The following SPATS2L variants were observed in gnomAD, a reference collection of about 807,000 sequenced individuals.
The protein encoded by SPATS2L is SPATS2-like protein.
A neutral mutation model predicts 59.6 loss-of-function variants in SPATS2L; 30 were observed. That is an observed-to-expected ratio of 0.50 (90% CI 0.38 to 0.68). The LOEUF (loss-of-function observed/expected upper bound fraction) is 0.68, where lower values mean the gene tolerates loss of function less well. SPATS2L is among the 30% of genes least tolerant of loss of function. The pLI is 0.00. For missense variants in SPATS2L, 615 were observed against 700.0 expected, an observed-to-expected ratio of 0.88 and a Z score of 1.37; for synonymous variants, 252 against 263.5, an observed-to-expected ratio of 0.96 and a Z score of 0.42.
intron 6 of SPATS2L, among the ~76,000 whole-genome samples, chr2:200,421,884 C>T (rs2083320318): frequency 6.6e-6 from 1 of 152,218 alleles, no homozygotes; most frequent in African/African-American, 2.4e-5. Context: ...ATTTTGATAT[C>T]AATCATAGAC....
At chr2:200,423,475 T>G (rs1439911132) in intron 6 of SPATS2L, among the ~76,000 whole-genome samples, 1 of 152,166 alleles carries the variant, frequency 6.6e-6, no homozygotes, top group African/African-American at 2.4e-5. Context: ...AAACCAAGGC[T>G]CCTGGATTGA....
At chr2:200,424,839 G>A (rs2083465673) in intron 6 of SPATS2L, among the ~76,000 whole-genome samples, 1 of 152,164 alleles carries the variant, frequency 6.6e-6, no homozygotes, top group African/African-American at 2.4e-5. Context: ...TGCTGACCCA[G>A]CAGCCGGCCT....
At chr2:200,463,469 AGAG>A (rs2086381973) in intron 9 of SPATS2L, 1 of 152,210 alleles carries the variant, frequency 6.6e-6, no homozygotes, top group African/African-American at 2.4e-5. Flanking sequence ...ATTGCACAAA[AGAG>A]GAAGTATATT....
At chr2:200,351,186 G>C in intron 2 of SPATS2L, 1 of 469,302 alleles carries the variant, frequency 2.1e-6, no homozygotes, top group South Asian at 1.6e-5. Flanking sequence ...GTGCATTTGT[G>C]TATTTCTTCT....
intron 2 of SPATS2L, among the ~76,000 whole-genome samples, chr2:200,364,934 CTTTGTTTTGT>C (rs751289648): frequency 5.1e-4 from 77 of 152,236 alleles, no homozygotes; most frequent in African/African-American, 1.7e-3. Context: ...CTTATTTTTG[CTTTGTTTTGT>C]TTTGTTTTGT....
intron 5 of SPATS2L, among the ~76,000 whole-genome samples, chr2:200,416,986 G>A (rs2083088724): frequency 6.6e-6 from 1 of 152,162 alleles, no homozygotes; most frequent in Non-Finnish European, 1.5e-5. Flanking sequence ...CAAAGGGAAG[G>A]GGATTTTACT....
intron 2 of SPATS2L, among the ~76,000 whole-genome samples, chr2:200,360,042 A>G (rs1018633107): frequency 1.3e-5 from 2 of 152,238 alleles, no homozygotes; most frequent in African/African-American, 4.8e-5. Flanking sequence ...GAATATTTCT[A>G]TAAAGTATGT....
intron 3 of SPATS2L, among the ~76,000 whole-genome samples, chr2:200,396,033 A>AAAAAAATATATATATATATATAT (rs1553520464): frequency 4.7e-5 from 1 of 21,148 alleles, no homozygotes; most frequent in Non-Finnish European, 9.0e-5. Context: ...AAAAAAAAAA[A>AAAAAAATATATATATATATATAT]ATATATATAT....
chr2:200,475,631 G>A (rs1211971249), intron 12 of SPATS2L, among the ~76,000 whole-genome samples: 1 of 152,194 alleles, frequency 6.6e-6, no homozygotes, highest in Non-Finnish European at 1.5e-5. Context: ...GCAGTTCCCA[G>A]CTTGACTTTT....
intron 12 of SPATS2L, 38 bp from the exon 13 acceptor site, chr2:200,477,598 G>A: frequency 6.8e-7 from 1 of 1,466,732 alleles, no homozygotes. Context: ...TCAGTGGCTT[G>A]CTGGCATCTG....
At chr2:200,419,615 A>G in intron 6 of SPATS2L, 119 bp downstream of exon 6, 1 of 1,157,198 alleles carries the variant, frequency 8.6e-7, no homozygotes, top group Non-Finnish European at 1.2e-6. Flanking sequence ...TGCAGTGTGT[A>G]CGATTCAGCC....
chr2:200,387,341 G>A (rs542951077), intron 2 of SPATS2L, among the ~76,000 whole-genome samples: 130 of 152,316 alleles, frequency 8.5e-4, no homozygotes, highest in Non-Finnish European at 1.4e-3. Context: ...CTTTTATGGA[G>A]CATTTGGGAA....
At chr2:200,316,558 G>T (rs1402704083) in intron 1 of SPATS2L, among the ~76,000 whole-genome samples, 4 of 152,226 alleles carry the variant, frequency 2.6e-5, no homozygotes, top group Admixed American at 2.6e-4. Context: ...GACCAACCAT[G>T]CAGTTTGCCT....
At chr2:200,373,270 C>CAAAAAAAAAAAAA (rs3856514) in intron 2 of SPATS2L, 7 of 106,038 alleles carry the variant, frequency 6.6e-5, no homozygotes, top group Admixed American at 9.8e-5. Flanking sequence ...ACTGCCTTAA[C>CAAAAAAAAAAAAA]AAAAAAAAAA....
At chr2:200,442,399 T>G (rs1274531552) in intron 8 of SPATS2L, among the ~76,000 whole-genome samples, 1 of 152,050 alleles carries the variant, frequency 6.6e-6, no homozygotes, top group Non-Finnish European at 1.5e-5. Context: ...GGCCTTAAGG[T>G]CTCTATGCAG....
chr2:200,410,940 G>T (rs1167002387), intron 3 of SPATS2L, among the ~76,000 whole-genome samples: 1 of 151,198 alleles, frequency 6.6e-6, no homozygotes. Flanking sequence ...TGTTTTAATG[G>T]ATGCCAGAAA....
chr2:200,394,274 C>G (rs2105936316), intron 3 of SPATS2L, among the ~76,000 whole-genome samples: 1 of 152,326 alleles, frequency 6.6e-6, no homozygotes, highest in South Asian at 2.1e-4. Context: ...ATTCGCCACC[C>G]TGACCTTGAA....
chr2:200,391,555 G>A (rs1246880109), intron 3 of SPATS2L, among the ~76,000 whole-genome samples: 1 of 152,226 alleles, frequency 6.6e-6, no homozygotes, highest in African/African-American at 2.4e-5. Context: ...GCCATGTAGG[G>A]CATTATTCAG....
intron 2 of SPATS2L, among the ~76,000 whole-genome samples, chr2:200,387,757 A>C (rs909766162): frequency 2.0e-5 from 3 of 152,224 alleles, no homozygotes; most frequent in South Asian, 4.1e-4. Flanking sequence ...AAAAGCATTC[A>C]ACATGCAAAT....
Sources: allele counts gnomAD v4.1 joint callset (sites outside exome capture counted in the v4.1 genomes callset), GRCh38; gene constraint gnomAD v4.1.1; transcripts MANE v1.5; gene names NCBI Gene and HGNC (gene_info 2026-07-23, HGNC 2026-07-21).